Variants in RNF213 observed in about 807,000 individuals in gnomAD.
RNF213 encodes the protein ring finger protein 213.
In RNF213, 341 loss-of-function variants were observed where a neutral mutation model predicts 514.4. The observed-to-expected ratio is 0.66, with a 90% CI of 0.61 to 0.73. RNF213 has a LOEUF of 0.73. RNF213 is among the 30% of genes least tolerant of loss of function. The pLI is 0.00. For synonymous variants in RNF213, 2,655 were observed against 2,658.2 expected, an observed-to-expected ratio of 1.00 and a Z score of 0.04; for missense variants, 5,767 against 6,615.6, an observed-to-expected ratio of 0.87 and a Z score of 4.45.
At chr17:80,392,691 G>A (rs1766767979) in intron 67 of RNF213, among the ~76,000 whole-genome samples, 1 of 152,034 alleles carries the variant, frequency 6.6e-6, no homozygotes, top group African/African-American at 2.4e-5. Flanking sequence ...CTGGGTTCAA[G>A]TGATTTTCCT....
intron 7 of RNF213, 67 bp downstream of exon 7, chr17:80,290,795 G>A (rs2044694424): frequency 3.0e-5 from 47 of 1,571,172 alleles, no homozygotes; most frequent in Middle Eastern, 3.5e-4. Flanking sequence ...CCTGTGACAC[G>A]TAGTTTAAAA....
In RNF213 at chr17:80,352,896, G is replaced by T; in HGVS notation, c.10304-44G>T. On this transcript the variant is annotated intron_variant, in intron 32 of 67. Coordinates refer to ENST00000582970, the MANE Select transcript of RNF213 (RefSeq NM_001256071.3). ...CCCTGCTTAGGGCTGAGCAGCAGCC[G>T]GGAAAGACACAAAGACAGTTGTGGG... 1 of 1,613,452 alleles carries T rather than the reference G, an allele frequency of 6.2e-7. No homozygotes were observed. Among genetic ancestry groups the T allele is most frequent in the Non-Finnish European group, 8.5e-7 (1 of 1,180,000 alleles).
chr17:80,345,128 C>T lies in RNF213; in HGVS notation c.6793C>T (p.Pro2265Ser). The T allele has an allele frequency of 6.2e-7, 1 of 1,614,120 alleles. No homozygotes were observed. The highest frequency in any genetic ancestry group is 8.5e-7 in the Non-Finnish European group (1 of 1,180,018). Residue 2265 changes from proline to serine, a missense_variant, in exon 29 of 68, where the codon CCA becomes TCA. Pro to Ser is a moderately conservative substitution (Grantham distance 74). Transcript: ENST00000582970. The surrounding 1 kb of genome is among the most constrained non-coding windows in gnomAD (Gnocchi z 6.0). The part of the protein sequence containing the change: ...MIFMARDFAT[P>S]SLHTSDQSPG... ...CTTTATGGCAAGAGATTTTGCCACA[C>T]CATCACTCCACACCTCTGACCAAAG... is the stretch of plus-strand genomic sequence containing the variant.
chr17:80,355,839 A>C (rs148946177), intron 36 of RNF213, among the ~76,000 whole-genome samples: 5 of 144,734 alleles, frequency 3.5e-5, no homozygotes, highest in African/African-American at 8.5e-5. Context: ...AAGCGGGGTG[A>C]ACGGGAATGG....
intron 67 of RNF213, 133 bp downstream of exon 67, chr17:80,390,329 C>A: frequency 2.0e-6 from 2 of 1,008,404 alleles, no homozygotes; most frequent in Non-Finnish European, 3.0e-6. Flanking sequence ...ATTACCAGGG[C>A]ACCTGAGGAC....
chr17:80,307,279 G>C, intron 13 of RNF213, 78 bp downstream of exon 13: 1 of 1,234,330 alleles, frequency 8.1e-7, no homozygotes, highest in Non-Finnish European at 1.2e-6. Flanking sequence ...AATTGGCCGT[G>C]ACCCACATGT....
At chr17:80,319,529 A>G (rs374838781) in intron 17 of RNF213, 1 of 1,612,846 alleles carries the variant, frequency 6.2e-7, no homozygotes, top group Admixed American at 1.7e-5. Flanking sequence ...TGCTCGCACC[A>G]TCCTGCATGT....
intron 3 of RNF213, among the ~76,000 whole-genome samples, chr17:80,282,404 G>GTTATTA (rs752907164): frequency 1.1e-3 from 166 of 151,918 alleles, no homozygotes; most frequent in African/African-American, 3.8e-3. Context: ...ATTTATTATT[G>GTTATTA]TTATTATTTT....
At chr17:80,328,589 T>C (rs200237197) in intron 20 of RNF213, 112 bp downstream of exon 20, 1 of 926,594 alleles carries the variant, frequency 1.1e-6, no homozygotes, top group Non-Finnish European at 1.5e-6. Flanking sequence ...GGCTTTAAAA[T>C]TTTTTTTTTA....
rs1353859171 is a variant in RNF213 at position 80,339,814 on chromosome 17, C to T, written c.5447C>T (p.Pro1816Leu). The T allele has an allele frequency of 6.5e-7, 1 of 1,535,006 alleles. No homozygotes were observed. The highest frequency in any genetic ancestry group is 2.4e-5 in the East Asian group (1 of 40,856). The stretch of plus-strand genomic sequence containing the variant: ...CACCTGGCAGGGATGGGTGGGTCTC[C>T]CGTGGAGCGTTGTCTCCCGAGAGGT... ...LAHLAGMGGS[P>L]VERCLPRGLQ... The change falls in exon 26 of 68, where the codon CCC (proline) becomes CTC (leucine). Residue 1816 changes from proline (P) to leucine (L), a missense_variant. This residue lies in a region of RNF213 where 1,377 missense variants were observed against 1,635.2 expected (regional missense o/e 0.84). Coordinates refer to ENST00000582970, the MANE Select transcript of RNF213 (RefSeq NM_001256071.3).
intron 59 of RNF213, 161 bp from the exon 60 acceptor site, chr17:80,384,878 A>T (rs1262983827): frequency 1.3e-6 from 1 of 774,296 alleles, no homozygotes; most frequent in Non-Finnish European, 2.2e-6. Context: ...ACTTGTGGGA[A>T]GAACTTTTCC....
rs2045996826 is a variant in RNF213, at chr17:80,317,763, G to A, written c.2901+486G>A. ...CTCTTAGCTCCGCCGTCTATGGACA[G>A]TAGTGTGTTATCAGCTCAGTGGGTC... On this transcript the variant is annotated intron_variant, in intron 16 of 67. Coordinates refer to ENST00000582970, the MANE Select transcript of RNF213 (RefSeq NM_001256071.3). The surrounding 1 kb of genome is among the most constrained non-coding windows in gnomAD (Gnocchi z 4.1). Among the ~76,000 whole-genome samples, 1 of 152,194 alleles carries A rather than the reference G, an allele frequency of 6.6e-6. No individual in the cohort carries two copies. Among genetic ancestry groups the A allele is most frequent in the African/African-American group, 2.4e-5 (1 of 41,452 alleles).
chr17:80,288,801 C>G lies in RNF213; in HGVS notation c.933+46C>G. The G allele has an allele frequency of 6.2e-7, 1 of 1,613,272 alleles. No homozygotes were observed. Among genetic ancestry groups the G allele is most frequent in the Non-Finnish European group, 8.5e-7 (1 of 1,179,850 alleles). On this transcript the variant is annotated intron_variant, in intron 5 of 67. Coordinates refer to ENST00000582970, the MANE Select transcript of RNF213 (RefSeq NM_001256071.3). This position sits in a 1 kb window ranked among gnomAD's most constrained non-coding sequence, Gnocchi z 4.9. ...CCGGCTCCAGGAGGCCCTCTCCTGCCCACGGCTGCGCCTCTTTCATTTAAT... is the reference window on the plus strand; with the variant it reads ...CCGGCTCCAGGAGGCCCTCTCCTGCGCACGGCTGCGCCTCTTTCATTTAAT...
rs372309318 is a variant in RNF213 at position 80,367,714 on chromosome 17, C to G, written c.11872-34C>G. 3.3e-4 allele frequency: 519 copies of G among 1,582,260 alleles called. 1 individual carries two copies. In the African/African-American group the frequency reaches 4.6e-3, roughly 14 times the overall value. Reference sequence around the variant, plus strand: ...GGCCTGGCCGCCCTCAGCCCTCCCCCCTGCTAATGACTCCTGTCCCTGCCT... The same window carrying G: ...GGCCTGGCCGCCCTCAGCCCTCCCCGCTGCTAATGACTCCTGTCCCTGCCT... On this transcript the variant is annotated intron_variant, in intron 42 of 67. Coordinates refer to ENST00000582970, the MANE Select transcript of RNF213 (RefSeq NM_001256071.3).
rs781149501 is a variant in RNF213 at position 80,350,411 on chromosome 17, T to G, written c.10184+15T>G. The G allele has an allele frequency of 1.9e-6, 3 of 1,556,990 alleles. No individual in the cohort carries two copies. The South Asian group carries it at 3.3e-5, about 17-fold the overall frequency. On this transcript the variant is annotated intron_variant, in intron 31 of 67. Coordinates refer to ENST00000582970, the MANE Select transcript of RNF213 (RefSeq NM_001256071.3). ...GCCTCAGCTAAGTATGTTTTTAGTA[T>G]TTTTCTCAGAAACTATGTAAAAAAC...
rs2078219817 is a variant in RNF213 at position 80,343,442 on chromosome 17, A to C, written c.6183+117A>C. On this transcript the variant is annotated intron_variant, in intron 27 of 67. Transcript: ENST00000582970. The surrounding 1 kb of genome is among the most constrained non-coding windows in gnomAD (Gnocchi z 4.3). ...TGTTTCCACACGCACAGTCCTGTGA[A>C]GCTTAACAGTGGGAATGTGCTCTGA... The C allele has an allele frequency of 2.1e-6, 2 of 935,268 alleles. No homozygotes were observed. The highest frequency in any genetic ancestry group is 3.4e-6 in the Non-Finnish European group (2 of 594,500). The allele number at this position is 935,268 out of a possible 1,614,324, so 57.9% of individuals were successfully genotyped here.
At chr17:80,305,229 A>C (rs1177067342) in intron 11 of RNF213, among the ~76,000 whole-genome samples, 1 of 135,098 alleles carries the variant, frequency 7.4e-6, no homozygotes, top group Admixed American at 8.1e-5. Flanking sequence ...CCTATGCTGG[A>C]GTACAATGGC....
intron 3 of RNF213, among the ~76,000 whole-genome samples, chr17:80,284,234 G>C (rs931730511): frequency 1.1e-4 from 16 of 152,164 alleles, no homozygotes; most frequent in African/African-American, 3.4e-4. Flanking sequence ...CATGATGGCA[G>C]GTGCCTGTAA....
At chr17:80,389,011 C>T (rs2144658725) in intron 64 of RNF213, 162 bp from the exon 65 acceptor site, 1 of 678,304 alleles carries the variant, frequency 1.5e-6, no homozygotes, top group South Asian at 1.7e-5. Flanking sequence ...GTCTCCATGG[C>T]CTCCAGGAAC....
Sources: allele counts gnomAD v4.1 joint callset (sites outside exome capture counted in the v4.1 genomes callset), GRCh38; gene constraint gnomAD v4.1.1; regional missense constraint gnomAD v4.1.1; non-coding constraint Gnocchi (gnomAD v3.1); transcripts MANE v1.5; gene names NCBI Gene and HGNC (gene_info 2026-07-23, HGNC 2026-07-21).